Variants in CDH11 observed in about 807,000 individuals in gnomAD.
CDH11 encodes cadherin 11, also known as cadherin-11.
Under a neutral mutation model 67.8 loss-of-function variants are expected in CDH11, and 11 were observed. The observed-to-expected ratio is 0.16, with a 90% CI of 0.10 to 0.27. The LOEUF (loss-of-function observed/expected upper bound fraction) is 0.27. Ranked by LOEUF, CDH11 falls within the 10% of genes least tolerant of loss-of-function variation. The pLI is 1.00. For synonymous variants in CDH11, 419 were observed against 400.0 expected (o/e 1.05, Z -0.57); for missense variants, 847 against 1,031.2 (o/e 0.82, Z 2.45).
chr16:65,065,131 C>T (rs1353643967), intron 1 of CDH11, among the ~76,000 whole-genome samples: 4 of 152,132 alleles, frequency 2.6e-5, no homozygotes, highest in Non-Finnish European at 5.9e-5. Flanking sequence ...CAGGGAGAGA[C>T]AAATGCCAGT....
At chr16:65,078,801 CT>C (rs1355189788) in intron 1 of CDH11, among the ~76,000 whole-genome samples, 2 of 152,138 alleles carry the variant, frequency 1.3e-5, no homozygotes, top group Non-Finnish European at 2.9e-5. Context: ...GGGGAGAAAA[CT>C]GAGGGAACCA....
intron 4 of CDH11, among the ~76,000 whole-genome samples, chr16:64,996,096 G>C (rs1016049481): frequency 2.6e-5 from 4 of 152,150 alleles, no homozygotes; most frequent in African/African-American, 7.2e-5. Flanking sequence ...ATAACATGCT[G>C]GTGAGGATGT....
chr16:65,090,013 TC>T (rs1448789858), intron 1 of CDH11, among the ~76,000 whole-genome samples: 1 of 152,110 alleles, frequency 6.6e-6, no homozygotes, highest in South Asian at 2.1e-4. Context: ...ACTTTTTGGC[TC>T]CCCCTAAGTT....
Position 65,056,161 on chromosome 16 carries a change from G to A in CDH11, c.-297-2233C>T, listed in dbSNP as rs8044497. 3.8e-3 allele frequency among the ~76,000 whole-genome samples: 583 copies of A among 152,286 alleles called. 2 individuals carry two copies. The highest frequency in any genetic ancestry group is 7.1e-3 in the African/African-American group (295 of 41,572). The stretch of plus-strand genomic sequence containing the variant: ...GTAGCTTATCTTGTGCTTTTTGAAC[G>A]CTTGCTCTAGGAGAAGTTGGCTGCC... On this transcript the variant is annotated intron_variant, in intron 1 of 12. Coordinates refer to ENST00000268603, the MANE Select transcript of CDH11 (RefSeq NM_001797.4).
At chr16:65,077,365 T>C (rs1398106118) in intron 1 of CDH11, among the ~76,000 whole-genome samples, 1 of 152,184 alleles carries the variant, frequency 6.6e-6, no homozygotes, top group Non-Finnish European at 1.5e-5. Context: ...TCCTCAATTG[T>C]GTGTAGCTTC....
At chr16:65,040,370 C>A (rs533570420) in intron 2 of CDH11, among the ~76,000 whole-genome samples, 1 of 152,160 alleles carries the variant, frequency 6.6e-6, no homozygotes, top group Non-Finnish European at 1.5e-5. Flanking sequence ...GAATACTATG[C>A]AGCCATAAAA....
At position 64,944,469 on chromosome 16, in the gene CDH11, C is replaced by T. The variant is rs2071160965; in HGVS notation, c.*3134G>A. On this transcript the variant is annotated 3_prime_UTR_variant, in exon 13 of 13. Coordinates refer to ENST00000268603, the MANE Select transcript of CDH11 (RefSeq NM_001797.4). ...TGCTCCTAATCTGTCCTCCACACTG[C>T]CTGCCAAATAAATTTTGCCCCTCTT... 1 of 232,952 alleles carries T rather than the reference C, an allele frequency of 4.3e-6. No homozygotes were observed. The highest frequency in any genetic ancestry group is 6.1e-5 in the East Asian group (1 of 16,524). 14.4% of individuals were successfully genotyped at this position (232,952 alleles called of 1,614,324 possible).
chr16:65,093,113 T>C (rs1401745163), intron 1 of CDH11, among the ~76,000 whole-genome samples: 2 of 151,762 alleles, frequency 1.3e-5, no homozygotes, highest in Admixed American at 1.3e-4. Flanking sequence ...ATTTTATCTA[T>C]TTTTAGTAGA....
At chr16:65,093,703 T>C (rs964235339) in intron 1 of CDH11, among the ~76,000 whole-genome samples, 4 of 152,086 alleles carry the variant, frequency 2.6e-5, no homozygotes, top group Non-Finnish European at 4.4e-5. Context: ...AGATACTAGG[T>C]ATACAGAGAT....
At chr16:65,010,111 C>G (rs577695667) in intron 2 of CDH11, among the ~76,000 whole-genome samples, 10 of 152,300 alleles carry the variant, frequency 6.6e-5, no homozygotes, top group South Asian at 6.2e-4. Flanking sequence ...AAGGATCAGA[C>G]AGGCTGACCT....
chr16:65,030,916 G>C (rs2073629735), intron 2 of CDH11, among the ~76,000 whole-genome samples: 1 of 152,160 alleles, frequency 6.6e-6, no homozygotes, highest in African/African-American at 2.4e-5. Flanking sequence ...CTCAAGGAAG[G>C]ATCTTTCATT....
At chr16:64,994,231 C>T (rs1384049762) in intron 4 of CDH11, among the ~76,000 whole-genome samples, 3 of 152,084 alleles carry the variant, frequency 2.0e-5, no homozygotes, top group African/African-American at 4.8e-5. Context: ...GAGCTCTTCC[C>T]ATTTGTCAGT....
intron 2 of CDH11, among the ~76,000 whole-genome samples, chr16:65,047,945 T>C (rs1222426855): frequency 6.6e-6 from 1 of 152,146 alleles, no homozygotes; most frequent in Non-Finnish European, 1.5e-5. Context: ...CACAGATCCA[T>C]GGAGCTGTCT....
intron 1 of CDH11, among the ~76,000 whole-genome samples, chr16:65,064,873 C>A (rs1351695317): frequency 6.6e-6 from 1 of 151,948 alleles, no homozygotes; most frequent in African/African-American, 2.4e-5. Flanking sequence ...GAAGACAAAA[C>A]CTGAATGACT....
intron 2 of CDH11, among the ~76,000 whole-genome samples, chr16:65,005,719 T>C (rs1468540134): frequency 6.6e-6 from 1 of 152,194 alleles, no homozygotes; most frequent in Non-Finnish European, 1.5e-5. Context: ...AGGAGGAAGA[T>C]TTGCTTTTGT....
In CDH11 at chr16:64,988,331, C is replaced by T. The variant is rs1130821; in HGVS notation, c.825G>A (p.Met275Ile). Reference sequence around the variant, plus strand: ...CAGGGACGGCTGCTTCTGACACAGACATCTGGTATACGCCTAGAAGAAGAA... The same window carrying T: ...CAGGGACGGCTGCTTCTGACACAGATATCTGGTATACGCCTAGAAGAAGAA... Reference protein sequence around the residue: ...PPKFPQSVYQMSVSEAAVPGE... With the variant: ...PPKFPQSVYQISVSEAAVPGE... Residue 275 changes from methionine to isoleucine, a missense_variant, in exon 7 of 13, where the codon ATG (methionine) becomes ATA (isoleucine). By Grantham distance (10) the Met-to-Ile change is conservative. Coordinates refer to ENST00000268603, the MANE Select transcript of CDH11 (RefSeq NM_001797.4). 0.14 allele frequency: 223,688 copies of T among 1,611,274 alleles called. 20,182 individuals are homozygous for T. Among genetic ancestry groups the T allele is most frequent in the East Asian group, 0.42 (18,799 of 44,782 alleles).
chr16:65,027,978 A>G (rs536514001), intron 2 of CDH11, among the ~76,000 whole-genome samples: 1 of 152,354 alleles, frequency 6.6e-6, no homozygotes, highest in African/African-American at 2.4e-5. Context: ...TAAAATGAAT[A>G]ACATAATTAA....
At chr16:65,104,141 T>C (rs2075033657) in intron 1 of CDH11, among the ~76,000 whole-genome samples, 1 of 152,178 alleles carries the variant, frequency 6.6e-6, no homozygotes, top group African/African-American at 2.4e-5. Flanking sequence ...GGTATGCAAA[T>C]ATGATTCCTG....
intron 11 of CDH11, among the ~76,000 whole-genome samples, chr16:64,964,288 G>A (rs2071751680): frequency 6.6e-6 from 1 of 152,088 alleles, no homozygotes; most frequent in Non-Finnish European, 1.5e-5. Context: ...ACAGCCTATT[G>A]CTCCTAGGCT....
Sources: gnomAD v4.1 joint callset for allele counts (sites outside exome capture counted in the v4.1 genomes callset) on GRCh38, gnomAD v4.1.1 for gene constraint, MANE v1.5 for transcripts, NCBI Gene and HGNC (gene_info 2026-07-23, HGNC 2026-07-21) for gene names.